RANBP17: variants seen among roughly 807,000 people sequenced by gnomAD.
RANBP17 encodes RAN binding protein 17.
A neutral mutation model predicts 141.2 loss-of-function variants in RANBP17; 158 were observed. The observed-to-expected ratio is 1.12, with a 90% CI of 0.98 to 1.28. The LOEUF is 1.28. Among genes scored for constraint, RANBP17 ranks in the 50% most tolerant of loss-of-function variants. RANBP17 has a pLI of 0.00. For missense variants in RANBP17, 1,438 were observed against 1,290.7 expected (o/e 1.11, Z -1.75); for synonymous variants, 430 against 450.0 (o/e 0.96, Z 0.56).
chr5:171,061,774 C>T (rs1783880298), intron 14 of RANBP17, among the ~76,000 whole-genome samples: 1 of 152,274 alleles, frequency 6.6e-6, no homozygotes, highest in South Asian at 2.1e-4. Flanking sequence ...GTTAAAATCT[C>T]CCATTATTAA....
At chr5:170,947,098 A>G (rs779464634) in intron 12 of RANBP17, among the ~76,000 whole-genome samples, 8 of 152,232 alleles carry the variant, frequency 5.3e-5, no homozygotes. Flanking sequence ...ATGAGGATCA[A>G]CTATATCATA....
At chr5:171,247,286 G>A (rs1031265548) in intron 24 of RANBP17, among the ~76,000 whole-genome samples, 1 of 152,152 alleles carries the variant, frequency 6.6e-6, no homozygotes, top group African/African-American at 2.4e-5. Context: ...TCAGCCTCTT[G>A]TATTGTTGCA....
chr5:171,006,645 A>T (rs914211049), intron 14 of RANBP17, among the ~76,000 whole-genome samples: 1 of 152,094 alleles, frequency 6.6e-6, no homozygotes, highest in Non-Finnish European at 1.5e-5. Flanking sequence ...ACCTAATGTT[A>T]CATGACGAGT....
intron 14 of RANBP17, among the ~76,000 whole-genome samples, chr5:171,130,431 C>CTTTTTTTTTTTTTTTTTTT (rs72051535): frequency 1.1e-5 from 1 of 90,018 alleles, no homozygotes; most frequent in Admixed American, 1.7e-4. Context: ...TTTAAAAAGA[C>CTTTTTTTTTTTTTTTTTTT]TTTTTTTTTT....
intron 13 of RANBP17, among the ~76,000 whole-genome samples, chr5:170,960,744 A>G (rs975404865): frequency 7.9e-5 from 12 of 152,150 alleles, no homozygotes; most frequent in Non-Finnish European, 1.8e-4. Flanking sequence ...GAACTATGCA[A>G]TGACGTCATT....
intron 24 of RANBP17, among the ~76,000 whole-genome samples, chr5:171,254,179 G>A (rs1411544695): frequency 1.7e-4 from 25 of 151,384 alleles, no homozygotes; most frequent in Middle Eastern, 3.2e-3. Context: ...CCTGGGGGGC[G>A]GAGGTTGCAG....
intron 14 of RANBP17, among the ~76,000 whole-genome samples, chr5:171,134,316 A>T (rs776044618): frequency 2.6e-5 from 4 of 152,226 alleles, no homozygotes; most frequent in Non-Finnish European, 5.9e-5. Flanking sequence ...ATTTTAGAAG[A>T]TACAATATTT....
At chr5:170,976,883 G>A (rs1777415769) in intron 14 of RANBP17, among the ~76,000 whole-genome samples, 1 of 152,064 alleles carries the variant, frequency 6.6e-6, no homozygotes, top group Admixed American at 6.6e-5. Flanking sequence ...AGATCTAAAT[G>A]TGAGAAAAAT....
intron 14 of RANBP17, among the ~76,000 whole-genome samples, chr5:171,151,446 G>T: frequency 6.6e-6 from 1 of 152,128 alleles, no homozygotes; most frequent in South Asian, 2.1e-4. Flanking sequence ...GGGAAAATAA[G>T]AAGCAATTCC....
chr5:171,041,994 T>G lies in RANBP17; in HGVS notation c.1710+73617T>G, dbSNP rs547966546. Among the ~76,000 whole-genome samples the G allele has an allele frequency of 8.1e-4, 124 of 152,212 alleles. 1 individual carries two copies. The South Asian group carries it at 0.012, about 14-fold the overall frequency. On this transcript the variant is annotated intron_variant, in intron 14 of 27. Transcript: ENST00000523189. ...CACTTATAAGTGAGAATATGTGGTG[T>G]TTAGTCTTCTGTACCTGTGTTAGTT... is the stretch of plus-strand genomic sequence containing the variant.
At chr5:171,230,533 T>C (rs1278287560) in intron 22 of RANBP17, among the ~76,000 whole-genome samples, 1 of 152,026 alleles carries the variant, frequency 6.6e-6, no homozygotes, top group African/African-American at 2.4e-5. Context: ...GGCCGAGGCG[T>C]GTGGATCACC....
At chr5:171,138,412 G>C (rs546741492) in intron 14 of RANBP17, among the ~76,000 whole-genome samples, 1 of 152,240 alleles carries the variant, frequency 6.6e-6, no homozygotes, top group East Asian at 1.9e-4. Flanking sequence ...AGTTGGTAGA[G>C]GCTGAGTGTG....
chr5:171,097,132 T>A (rs1786751499), intron 14 of RANBP17, among the ~76,000 whole-genome samples: 1 of 152,140 alleles, frequency 6.6e-6, no homozygotes, highest in South Asian at 2.1e-4. Context: ...TATGAGTAAG[T>A]AGTGGAGGGA....
intron 14 of RANBP17, among the ~76,000 whole-genome samples, chr5:171,113,617 A>G (rs1755403654): frequency 6.6e-6 from 1 of 152,142 alleles, no homozygotes; most frequent in African/African-American, 2.4e-5. Flanking sequence ...AAGGAAATTG[A>G]GTCCTAGAGA....
At chr5:171,142,336 A>C (rs1285315155) in intron 14 of RANBP17, among the ~76,000 whole-genome samples, 1 of 152,216 alleles carries the variant, frequency 6.6e-6, no homozygotes, top group African/African-American at 2.4e-5. Context: ...GAAGAAAAAA[A>C]TATTGTTAGA....
At chr5:170,912,039 T>C (rs1771572069) in intron 7 of RANBP17, among the ~76,000 whole-genome samples, 1 of 151,930 alleles carries the variant, frequency 6.6e-6, no homozygotes, top group Non-Finnish European at 1.5e-5. Context: ...AGAGTTTTTT[T>C]CCTCAAGAAA....
chr5:171,117,850 G>T (rs959528354), intron 14 of RANBP17, among the ~76,000 whole-genome samples: 1 of 151,392 alleles, frequency 6.6e-6, no homozygotes, highest in Non-Finnish European at 1.5e-5. Context: ...TGTTGTTGTT[G>T]TTGTTGTTGT....
At position 171,183,211 on chromosome 5, in the gene RANBP17, T is replaced by G. The variant is rs201196825; in HGVS notation, c.1910T>G (p.Phe637Cys). 56 of 1,592,118 alleles carry G rather than the reference T, an allele frequency of 3.5e-5. No individual in the cohort carries two copies. Among genetic ancestry groups the G allele is most frequent in the Non-Finnish European group, 9.5e-6 (11 of 1,160,160 alleles). Residue 637 changes from phenylalanine to cysteine, a missense_variant, in exon 17 of 28, where the codon TTC becomes TGC. Coordinates refer to ENST00000523189, the MANE Select transcript of RANBP17 (RefSeq NM_022897.5). ...CTTGTGAAGATAGATGCTGTGAAATTCATGCTAAAAAACCACACGGTAAGT... is the reference window on the plus strand; with the variant it reads ...CTTGTGAAGATAGATGCTGTGAAATGCATGCTAAAAAACCACACGGTAAGT... ...KKLVKIDAVKFMLKNHTSEHF... is the reference protein window; with the variant it reads ...KKLVKIDAVKCMLKNHTSEHF...
At chr5:171,088,999 C>G (rs1338568131) in intron 14 of RANBP17, among the ~76,000 whole-genome samples, 20 of 151,842 alleles carry the variant, frequency 1.3e-4, no homozygotes, top group Admixed American at 1.2e-3. Flanking sequence ...TGTTCCGTTG[C>G]TGGTGAGGAA....
Sources: allele counts gnomAD v4.1 joint callset (sites outside exome capture counted in the v4.1 genomes callset), GRCh38; gene constraint gnomAD v4.1.1; transcripts MANE v1.5; gene names NCBI Gene and HGNC (gene_info 2026-07-23, HGNC 2026-07-21).